The following GAN variants were observed in gnomAD, a reference collection of about 807,000 sequenced individuals.
GAN encodes epididymis secretory sperm binding protein.
A neutral mutation model predicts 71.3 loss-of-function variants in GAN; 48 were observed. The ratio of observed to expected loss-of-function variants is 0.67; its 90% CI spans 0.53 to 0.86. The LOEUF (loss-of-function observed/expected upper bound fraction) is 0.86, where lower values mean the gene tolerates loss of function less well. Ranked by LOEUF, GAN falls within the 40% of genes least tolerant of loss-of-function variation. The probability of loss-of-function intolerance (pLI) is 0.00; values close to 1 mark genes in which losing one functional copy is unlikely to be tolerated. For synonymous variants in GAN, 386 were observed against 276.8 expected, an observed-to-expected ratio of 1.39 and a Z score of -3.92; for missense variants, 928 against 770.1, an observed-to-expected ratio of 1.21 and a Z score of -2.43.
rs1379223380 is a variant in GAN at position 81,382,927 on chromosome 16, TTGGTC to T, written c.*5333_*5337del. ...GAATTAAATCATACTTCCAGATGGT[TTGGTC>T]TAATGTATACAGTTTAGGAAAGTTT... is the stretch of plus-strand genomic sequence containing the variant. On this transcript the variant is annotated 3_prime_UTR_variant, in exon 11 of 11. Transcript: ENST00000648994. 1 of 152,204 alleles carries T rather than the reference TTGGTC, an allele frequency of 6.6e-6. No homozygotes were observed. Among genetic ancestry groups the T allele is most frequent in the Non-Finnish European group, 1.5e-5 (1 of 68,036 alleles). The allele number at this position is 152,204 out of a possible 1,614,324, so 9.4% of individuals were successfully genotyped here.
chr16:81,342,385 A>C (rs1909973134), intron 1 of GAN, among the ~76,000 whole-genome samples: 1 of 152,214 alleles, frequency 6.6e-6, no homozygotes, highest in Non-Finnish European at 1.5e-5. Flanking sequence ...AATTGGAAGT[A>C]AAGCACTCCT....
At chr16:81,337,751 G>C (rs4889307) in intron 1 of GAN, among the ~76,000 whole-genome samples, 2 of 152,122 alleles carry the variant, frequency 1.3e-5, no homozygotes, top group African/African-American at 2.4e-5. Flanking sequence ...TCAAGAAAAA[G>C]TAACGTGAAT....
intron 3 of GAN, among the ~76,000 whole-genome samples, chr16:81,355,670 C>A (rs1270542505): frequency 6.6e-6 from 1 of 152,170 alleles, no homozygotes; most frequent in Non-Finnish European, 1.5e-5. Flanking sequence ...GCCAGGACTT[C>A]ATTTTTAAGT....
chr16:81,315,190 AG>A lies in GAN; in HGVS notation c.78del (p.Glu26AspfsTer34). On this transcript the variant is annotated frameshift_variant, in exon 1 of 11. Coordinates refer to ENST00000648994, the MANE Select transcript of GAN (RefSeq NM_022041.4). LOFTEE classifies it high-confidence loss of function. ...LLRALSSFRE[E>X]SRFCDAHLVL... is the part of the protein sequence containing the mutation. ...CGAGCGCTCAGCTCTTTCCGCGAGG[AG>A]TCTCGCTTCTGCGACGCGCACCTGG... 1 of 1,575,790 alleles carries A rather than the reference AG, an allele frequency of 6.3e-7. No individual in the cohort carries two copies. Among genetic ancestry groups the A allele is most frequent in the Non-Finnish European group, 8.6e-7 (1 of 1,163,400 alleles).
intron 9 of GAN, among the ~76,000 whole-genome samples, chr16:81,370,692 C>T (rs963188514): frequency 7.9e-5 from 12 of 152,368 alleles, no homozygotes; most frequent in East Asian, 7.7e-4. Context: ...CAGCCGACAG[C>T]GGCATAGTGG....
In GAN at chr16:81,377,408, G is replaced by T; in HGVS notation, c.1613-7G>T. Reference sequence around the variant, plus strand: ...TTTTCTCACCCTTGCTTATTTCTGTGGCTTAGGTACCAATTACGACTACGT... The same window carrying T: ...TTTTCTCACCCTTGCTTATTTCTGTTGCTTAGGTACCAATTACGACTACGT... On this transcript the variant is annotated splice_polypyrimidine_tract_variant and splice_region_variant and intron_variant, in intron 10 of 10. Coordinates refer to ENST00000648994, the MANE Select transcript of GAN (RefSeq NM_022041.4). The T allele has an allele frequency of 3.1e-6, 5 of 1,613,440 alleles. No homozygotes were observed. Among genetic ancestry groups the T allele is most frequent in the Non-Finnish European group, 4.2e-6 (5 of 1,179,416 alleles).
At chr16:81,348,803 G>T (rs1910205401) in intron 1 of GAN, among the ~76,000 whole-genome samples, 1 of 152,328 alleles carries the variant, frequency 6.6e-6, no homozygotes, top group South Asian at 2.1e-4. Flanking sequence ...ATTGATGTCT[G>T]TGCCCTTGGG....
chr16:81,317,788 T>C, intron 1 of GAN, among the ~76,000 whole-genome samples: 1 of 152,238 alleles, frequency 6.6e-6, no homozygotes, highest in East Asian at 1.9e-4. Flanking sequence ...TATCTTAGAA[T>C]TAAAATGTTT....
intron 1 of GAN, among the ~76,000 whole-genome samples, chr16:81,318,740 A>AT (rs1233771558): frequency 6.6e-6 from 1 of 152,182 alleles, no homozygotes; most frequent in Non-Finnish European, 1.5e-5. Context: ...TATTAGAAAG[A>AT]TTTTAAATAT....
At chr16:81,374,301 A>C (rs1429826104) in intron 9 of GAN, among the ~76,000 whole-genome samples, 1 of 152,202 alleles carries the variant, frequency 6.6e-6, no homozygotes, top group Non-Finnish European at 1.5e-5. Flanking sequence ...AGATTTCTCC[A>C]CTGGAAAGTT....
intron 1 of GAN, among the ~76,000 whole-genome samples, chr16:81,348,499 C>T (rs1011143260): frequency 3.3e-5 from 5 of 152,268 alleles, no homozygotes; most frequent in Non-Finnish European, 7.4e-5. Flanking sequence ...AAAACAGTTT[C>T]TTAACCAATG....
At chr16:81,375,042 T>G (rs1450789396) in intron 9 of GAN, among the ~76,000 whole-genome samples, 1 of 152,176 alleles carries the variant, frequency 6.6e-6, no homozygotes, top group Non-Finnish European at 1.5e-5. Flanking sequence ...AATCTTCGTA[T>G]TGGGGTAGGC....
chr16:81,344,244 A>C (rs892706412), intron 1 of GAN, among the ~76,000 whole-genome samples: 1 of 152,236 alleles, frequency 6.6e-6, no homozygotes, highest in Non-Finnish European at 1.5e-5. Context: ...CTTTCTTCAC[A>C]GAATTGGAAA....
At position 81,365,332 on chromosome 16, in the gene GAN, C is replaced by G. The variant is rs761982534; in HGVS notation, c.1374-18C>G. The G allele has an allele frequency of 2.5e-6, 4 of 1,613,682 alleles. No individual in the cohort carries two copies. Among genetic ancestry groups the G allele is most frequent in the Non-Finnish European group, 3.4e-6 (4 of 1,179,968 alleles). ...ATTGTACAGCTTGTGCCTGATAACG[C>G]TGTGTGTGGCCTTTCAGGTTTGGAG... On this transcript the variant is annotated intron_variant, in intron 8 of 10. Coordinates refer to ENST00000648994, the MANE Select transcript of GAN (RefSeq NM_022041.4).
chr16:81,359,418 T>G (rs567868427), intron 5 of GAN, among the ~76,000 whole-genome samples: 21 of 151,900 alleles, frequency 1.4e-4, no homozygotes, highest in African/African-American at 5.1e-4. Context: ...TTTTTTTTTT[T>G]TTTTGCCTTT....
chr16:81,351,828 G>A, intron 2 of GAN, 131 bp downstream of exon 2: 1 of 716,286 alleles, frequency 1.4e-6, no homozygotes, highest in Non-Finnish European at 2.6e-6. Context: ...TGCATTGACT[G>A]ACATTTCCTA....
chr16:81,376,246 G>A (rs767778902), intron 9 of GAN, among the ~76,000 whole-genome samples: 5 of 151,328 alleles, frequency 3.3e-5, no homozygotes, highest in African/African-American at 4.9e-5. Context: ...TCATAAGTCC[G>A]CAAAAAAGAC....
chr16:81,333,855 C>T (rs553193309), intron 1 of GAN, among the ~76,000 whole-genome samples: 4 of 152,270 alleles, frequency 2.6e-5, no homozygotes, highest in African/African-American at 9.6e-5. Context: ...GGCTGCATTC[C>T]TGCCTGGTCC....
intron 1 of GAN, among the ~76,000 whole-genome samples, chr16:81,337,927 G>A (rs1026800978): frequency 6.6e-6 from 1 of 152,196 alleles, no homozygotes; most frequent in Non-Finnish European, 1.5e-5. Context: ...CCAGAGTTAA[G>A]CCTCTAGGAC....
Sources: allele counts gnomAD v4.1 joint callset (sites outside exome capture counted in the v4.1 genomes callset), GRCh38; gene constraint gnomAD v4.1.1; transcripts MANE v1.5; gene names NCBI Gene and HGNC (gene_info 2026-07-23, HGNC 2026-07-21).